TMEM132D: variants seen among roughly 807,000 people sequenced by gnomAD.
TMEM132D encodes transmembrane protein 132D, also known as mature OL transmembrane protein.
In TMEM132D, 21 loss-of-function variants were observed where a neutral mutation model predicts 62.3. The ratio of observed to expected loss-of-function variants is 0.34; its 90% CI spans 0.24 to 0.49. TMEM132D has a LOEUF of 0.49. TMEM132D is among the 20% of genes least tolerant of loss of function. TMEM132D has a pLI of 0.99. For missense variants in TMEM132D, 1,346 were observed against 1,402.8 expected (o/e 0.96, Z 0.65); for synonymous variants, 621 against 575.6 (o/e 1.08, Z -1.13).
chr12:129,595,972 C>T (rs1488845275), intron 2 of TMEM132D, among the ~76,000 whole-genome samples: 1 of 152,156 alleles, frequency 6.6e-6, no homozygotes, highest in Non-Finnish European at 1.5e-5. Context: ...AAGTTGGAAG[C>T]AGGTGTTCTA....
chr12:129,393,178 C>T (rs767790132), intron 3 of TMEM132D, among the ~76,000 whole-genome samples: 2 of 152,206 alleles, frequency 1.3e-5, no homozygotes, highest in Non-Finnish European at 1.5e-5. Flanking sequence ...AAATTCAGCC[C>T]GTGGCTAGAA....
At chr12:129,831,423 G>A (rs1195004271) in intron 1 of TMEM132D, among the ~76,000 whole-genome samples, 1 of 152,206 alleles carries the variant, frequency 6.6e-6, no homozygotes, top group East Asian at 1.9e-4. Context: ...GAGAGACTGT[G>A]GTCTTTGATG....
At chr12:129,427,129 G>T (rs1264022017) in intron 3 of TMEM132D, among the ~76,000 whole-genome samples, 1 of 152,168 alleles carries the variant, frequency 6.6e-6, no homozygotes, top group African/African-American at 2.4e-5. Context: ...ATATACTCTT[G>T]TTTGCATGTT....
At chr12:129,170,625 G>A (rs890346889) in intron 5 of TMEM132D, among the ~76,000 whole-genome samples, 10 of 152,036 alleles carry the variant, frequency 6.6e-5, no homozygotes, top group African/African-American at 2.4e-4. Flanking sequence ...AGGAGTTTGA[G>A]ACTAGCCTGG....
At chr12:129,314,134 T>C (rs1868404645) in intron 4 of TMEM132D, among the ~76,000 whole-genome samples, 1 of 152,206 alleles carries the variant, frequency 6.6e-6, no homozygotes, top group Non-Finnish European at 1.5e-5. Flanking sequence ...ATTGTGAAGG[T>C]TTTCTCCCCT....
intron 4 of TMEM132D, among the ~76,000 whole-genome samples, chr12:129,233,024 C>A (rs1012076624): frequency 1.4e-4 from 21 of 152,204 alleles, no homozygotes; most frequent in African/African-American, 4.3e-4. Context: ...GACACAGAGC[C>A]AAACCATGTC....
At position 129,538,905 on chromosome 12, in the gene TMEM132D, C is replaced by T. The variant is rs112598778; in HGVS notation, c.969-7700G>A. The stretch of plus-strand genomic sequence containing the variant: ...GAAGGAACGTTGGCTACTAGGGACC[C>T]CTGGCGATAGGTCAGAAGGAGCGTT... On this transcript the variant is annotated intron_variant, in intron 2 of 8. Transcript: ENST00000422113. Among the ~76,000 whole-genome samples, 320 of 148,060 alleles carry T rather than the reference C, an allele frequency of 2.2e-3. 1 individual carries two copies. Among genetic ancestry groups the T allele is most frequent in the African/African-American group, 8.0e-3 (310 of 38,846 alleles).
intron 3 of TMEM132D, among the ~76,000 whole-genome samples, chr12:129,516,264 A>T (rs747112199): frequency 6.6e-6 from 1 of 152,242 alleles, no homozygotes; most frequent in African/African-American, 2.4e-5. Flanking sequence ...CCAAAAGTCT[A>T]TAAGTGCAAC....
intron 4 of TMEM132D, among the ~76,000 whole-genome samples, chr12:129,283,376 G>A (rs1167209538): frequency 6.6e-6 from 1 of 152,110 alleles, no homozygotes; most frequent in Non-Finnish European, 1.5e-5. Flanking sequence ...ATTTTTAGTA[G>A]AGACGGGATT....
chr12:129,177,682 CA>C (rs1877943259), intron 5 of TMEM132D, among the ~76,000 whole-genome samples: 1 of 152,190 alleles, frequency 6.6e-6, no homozygotes, highest in Non-Finnish European at 1.5e-5. Context: ...TGCTTGCACC[CA>C]GGAGTTGGAG....
chr12:129,388,924 A>T (rs1290135351), intron 3 of TMEM132D, among the ~76,000 whole-genome samples: 1 of 134,366 alleles, frequency 7.4e-6, no homozygotes, highest in Non-Finnish European at 1.7e-5. Context: ...CGACACCAAT[A>T]CTAACACCAA....
intron 1 of TMEM132D, among the ~76,000 whole-genome samples, chr12:129,765,155 A>C (rs1479143532): frequency 6.6e-6 from 1 of 152,168 alleles, no homozygotes; most frequent in Non-Finnish European, 1.5e-5. Flanking sequence ...TCAGTGGAAA[A>C]GTGTGGATTG....
chr12:129,755,340 T>G lies in TMEM132D; in HGVS notation c.80-54642A>C, dbSNP rs186473953. On this transcript the variant is annotated intron_variant, in intron 1 of 8. Transcript: ENST00000422113. The stretch of plus-strand genomic sequence containing the variant: ...TAAGGTGCATAAAATCTTTAACACA[T>G]ACTGATATTCTATTTTTACGAAAAG... Among the ~76,000 whole-genome samples the G allele has an allele frequency of 3.9e-5, 6 of 152,344 alleles. No homozygotes were observed. In the East Asian group the frequency reaches 1.2e-3, roughly 29 times the overall value.
intron 3 of TMEM132D, among the ~76,000 whole-genome samples, chr12:129,525,085 T>C (rs1280435593): frequency 4.0e-5 from 6 of 149,548 alleles, no homozygotes; most frequent in East Asian, 2.0e-4. Flanking sequence ...GCCACCACAC[T>C]CAGCTAATTT....
intron 4 of TMEM132D, among the ~76,000 whole-genome samples, chr12:129,229,867 G>A (rs1354636985): frequency 6.6e-6 from 1 of 152,210 alleles, no homozygotes; most frequent in Non-Finnish European, 1.5e-5. Flanking sequence ...TGATGAGGGT[G>A]CAGTGGTGTG....
intron 5 of TMEM132D, among the ~76,000 whole-genome samples, chr12:129,163,744 C>T (rs999492086): frequency 4.6e-5 from 7 of 152,248 alleles, no homozygotes; most frequent in African/African-American, 1.7e-4. Context: ...GCTTCCCCAT[C>T]CCGGCATATC....
chr12:129,859,393 C>T (rs181619377), intron 1 of TMEM132D, among the ~76,000 whole-genome samples: 4 of 152,308 alleles, frequency 2.6e-5, no homozygotes, highest in East Asian at 1.9e-4. Context: ...ATGATTAAGA[C>T]AGTGTTCTCT....
intron 2 of TMEM132D, among the ~76,000 whole-genome samples, chr12:129,670,750 G>A (rs1880483855): frequency 6.6e-6 from 1 of 152,170 alleles, no homozygotes; most frequent in African/African-American, 2.4e-5. Context: ...AGTAGGCAAG[G>A]TGGATCCCTT....
At chr12:129,639,523 C>A (rs1460909920) in intron 2 of TMEM132D, among the ~76,000 whole-genome samples, 1 of 151,746 alleles carries the variant, frequency 6.6e-6, no homozygotes, top group Non-Finnish European at 1.5e-5. Context: ...TTCTTCATAC[C>A]TGTTCTGTCC....
Sources: gnomAD v4.1 joint callset for allele counts (sites outside exome capture counted in the v4.1 genomes callset) on GRCh38, gnomAD v4.1.1 for gene constraint, MANE v1.5 for transcripts, NCBI Gene and HGNC (gene_info 2026-07-23, HGNC 2026-07-21) for gene names.